The following MED12L variants were observed in gnomAD, a reference collection of about 807,000 sequenced individuals.
MED12L encodes the protein mediator of RNA polymerase II transcription subunit 12-like protein.
MED12L carries 60 observed loss-of-function variants against 281.3 expected under a neutral mutation model. The ratio of observed to expected loss-of-function variants is 0.21; its 90% CI spans 0.17 to 0.26. The LOEUF is 0.26. Among genes scored for constraint, MED12L ranks in the 10% least tolerant of loss-of-function variants. MED12L has a pLI of 1.00. For missense variants in MED12L, 2,146 were observed against 2,680.9 expected (o/e 0.80, Z 4.41); for synonymous variants, 974 against 987.2 (o/e 0.99, Z 0.25).
At chr3:151,423,945 T>A (rs562984415) in intron 43 of MED12L, among the ~76,000 whole-genome samples, 1 of 152,252 alleles carries the variant, frequency 6.6e-6, no homozygotes, top group African/African-American at 2.4e-5. Context: ...TTTAAAAATA[T>A]GCATAATGGT....
At chr3:151,258,926 C>T (rs1232559644) in intron 16 of MED12L, among the ~76,000 whole-genome samples, 1 of 151,304 alleles carries the variant, frequency 6.6e-6, no homozygotes. Flanking sequence ...GCTGTGGATT[C>T]AGGTTGTGTG....
At chr3:151,164,124 A>C in intron 9 of MED12L, 82 bp downstream of exon 9, 1 of 1,467,540 alleles carries the variant, frequency 6.8e-7, no homozygotes, top group Non-Finnish European at 9.3e-7. Flanking sequence ...CACAGGTTTT[A>C]GTATCTAGAT....
At chr3:151,318,619 TG>T (rs1237331760) in intron 16 of MED12L, among the ~76,000 whole-genome samples, 1 of 152,232 alleles carries the variant, frequency 6.6e-6, no homozygotes, top group Admixed American at 6.5e-5. Flanking sequence ...AGAACTTTGC[TG>T]CAAGTACTGA....
At chr3:151,294,547 G>A (rs2149690356) in intron 16 of MED12L, 1 of 1,614,116 alleles carries the variant, frequency 6.2e-7, no homozygotes, top group East Asian at 2.2e-5. Flanking sequence ...TGGATTTGTG[G>A]ATGTACCTGG....
intron 16 of MED12L, chr3:151,338,148 T>G: frequency 6.2e-7 from 1 of 1,613,870 alleles, no homozygotes; most frequent in African/African-American, 1.3e-5. Context: ...GACGTTCACC[T>G]TTTTCCTGGG....
chr3:151,320,508 A>AAGCCCTTTAAT (rs1560024369), intron 16 of MED12L, among the ~76,000 whole-genome samples: 1 of 152,202 alleles, frequency 6.6e-6, no homozygotes, highest in South Asian at 2.1e-4. Flanking sequence ...TAATTATTAT[A>AAGCCCTTTAAT]AGCCCTTTAA....
chr3:151,140,484 T>C (rs1380217080), intron 5 of MED12L, among the ~76,000 whole-genome samples: 2 of 152,228 alleles, frequency 1.3e-5, no homozygotes, highest in Non-Finnish European at 2.9e-5. Context: ...TCAAGTTTAA[T>C]ATGCTGCACT....
intron 35 of MED12L, 26 bp downstream of exon 35, chr3:151,384,244 T>C: frequency 7.0e-6 from 11 of 1,577,746 alleles, no homozygotes; most frequent in Non-Finnish European, 7.7e-6. Flanking sequence ...GCCTGTATTA[T>C]GAGCTCAAGT....
rs180736585 is a variant in MED12L at position 151,129,382 on chromosome 3, G to C, written c.556+1398G>C. Among the ~76,000 whole-genome samples the C allele has an allele frequency of 1.5e-3, 231 of 152,088 alleles. 1 individual carries two copies. Among genetic ancestry groups the C allele is most frequent in the African/African-American group, 5.0e-3 (207 of 41,506 alleles). On this transcript the variant is annotated intron_variant, in intron 5 of 44. Coordinates refer to ENST00000687756, the MANE Select transcript of MED12L (RefSeq NM_001393769.1). Reference sequence around the variant, plus strand: ...AGAAACTGTATTTTAGAGAAGAAATGCCCAGGAAAAAATACTAGAAGGTAG... The same window carrying C: ...AGAAACTGTATTTTAGAGAAGAAATCCCCAGGAAAAAATACTAGAAGGTAG...
chr3:151,204,786 A>G (rs1470627668), intron 16 of MED12L, among the ~76,000 whole-genome samples: 3 of 152,122 alleles, frequency 2.0e-5, no homozygotes, highest in Non-Finnish European at 4.4e-5. Flanking sequence ...GGGATGAAAG[A>G]TTTTTGACAG....
chr3:151,410,914 T>A (rs1456773352), intron 40 of MED12L, among the ~76,000 whole-genome samples: 1 of 152,220 alleles, frequency 6.6e-6, no homozygotes, highest in Non-Finnish European at 1.5e-5. Flanking sequence ...CTTCATCTGT[T>A]GAACTTTGGT....
intron 16 of MED12L, among the ~76,000 whole-genome samples, chr3:151,272,060 G>A (rs1327752127): frequency 6.6e-6 from 1 of 152,198 alleles, no homozygotes. Flanking sequence ...CAATACAGAT[G>A]TTGAGCATAC....
intron 16 of MED12L, among the ~76,000 whole-genome samples, chr3:151,243,084 T>C (rs1577089680): frequency 6.6e-6 from 1 of 150,804 alleles, no homozygotes; most frequent in African/African-American, 2.4e-5. Context: ...TAAAAAGAAA[T>C]GAGCAAAGCC....
chr3:151,406,664 A>G (rs926331839), intron 39 of MED12L, among the ~76,000 whole-genome samples: 4 of 152,240 alleles, frequency 2.6e-5, no homozygotes, highest in African/African-American at 7.2e-5. Flanking sequence ...GTACCTGAAC[A>G]TGGTATAAAA....
chr3:151,158,497 C>G (rs1318642271), intron 6 of MED12L, among the ~76,000 whole-genome samples, 192 bp from the exon 7 acceptor site: 1 of 150,596 alleles, frequency 6.6e-6, no homozygotes, highest in East Asian at 1.9e-4. Context: ...GAGCAGATTT[C>G]TAAAAAACAA....
At position 151,392,649 on chromosome 3, in the gene MED12L, C is replaced by A. The variant is rs191926790; in HGVS notation, c.5609-2007C>A. Among the ~76,000 whole-genome samples the A allele has an allele frequency of 5.1e-4, 77 of 152,136 alleles. 1 individual carries two copies. In the East Asian group the frequency reaches 0.014, roughly 28 times the overall value. On this transcript the variant is annotated intron_variant, in intron 38 of 44. Coordinates refer to ENST00000687756, the MANE Select transcript of MED12L (RefSeq NM_001393769.1). ...GTTTAAATGCAAAACAATCTCCCAC[C>A]ATCACTCACATACAAAAACATATGT...
intron 37 of MED12L, among the ~76,000 whole-genome samples, chr3:151,389,269 C>T (rs1713865176): frequency 6.6e-6 from 1 of 152,098 alleles, no homozygotes; most frequent in Non-Finnish European, 1.5e-5. Flanking sequence ...CAATCCTGCT[C>T]CCCAGGTCAG....
intron 2 of MED12L, among the ~76,000 whole-genome samples, chr3:151,112,488 T>G (rs912604311): frequency 2.6e-5 from 4 of 152,084 alleles, no homozygotes; most frequent in African/African-American, 9.7e-5. Context: ...AGGAGTGAGA[T>G]TCTGCCTTTC....
At chr3:151,211,314 A>G (rs181219387) in intron 16 of MED12L, among the ~76,000 whole-genome samples, 11 of 149,214 alleles carry the variant, frequency 7.4e-5, no homozygotes, top group South Asian at 2.1e-4. Flanking sequence ...AAACCCTAGT[A>G]TTTACTCATT....
Sources: allele counts gnomAD v4.1 joint callset (sites outside exome capture counted in the v4.1 genomes callset), GRCh38; gene constraint gnomAD v4.1.1; transcripts MANE v1.5; gene names NCBI Gene and HGNC (gene_info 2026-07-23, HGNC 2026-07-21).